Variants in CELF2 observed in about 807,000 individuals in gnomAD.
The protein encoded by CELF2 is CUGBP Elav-like family member 2, also known as CUG triplet repeat RNA-binding protein 2.
Under a neutral mutation model 62.6 loss-of-function variants are expected in CELF2, and 8 were observed. That is an observed-to-expected ratio of 0.13 (90% CI 0.07 to 0.23). The LOEUF (loss-of-function observed/expected upper bound fraction) is 0.23. CELF2 is among the 10% of genes least tolerant of loss of function. The pLI, the probability that CELF2 is intolerant of heterozygous loss-of-function variation, is 1.00. For synonymous variants in CELF2, 258 were observed against 250.0 expected, an observed-to-expected ratio of 1.03 and a Z score of -0.30; for missense variants, 333 against 671.0, an observed-to-expected ratio of 0.50 and a Z score of 5.56.
At chr10:10,767,379 C>A in the CELF2 span, among the ~76,000 whole-genome samples, 1 of 152,124 alleles carries the variant, frequency 6.6e-6, no homozygotes, top group Non-Finnish European at 1.5e-5. Flanking sequence ...TAGGTGCCTC[C>A]AGAATGACAT....
chr10:10,710,717 C>T, the CELF2 span, among the ~76,000 whole-genome samples: 2 of 151,980 alleles, frequency 1.3e-5, no homozygotes, highest in African/African-American at 4.8e-5. Context: ...ATATCAGTGA[C>T]ACATAAAAAC....
the CELF2 span, among the ~76,000 whole-genome samples, chr10:10,646,398 G>A: frequency 0.24 from 36,565 of 152,098 alleles, 4,662 homozygotes; most frequent in South Asian, 0.46. Flanking sequence ...CAAATCTCTC[G>A]TTAAACATTG....
the CELF2 span, among the ~76,000 whole-genome samples, chr10:10,595,955 G>T: frequency 6.6e-6 from 1 of 152,134 alleles, no homozygotes; most frequent in Non-Finnish European, 1.5e-5. Flanking sequence ...GTTATGCTCT[G>T]CCTATGGGGT....
At chr10:11,258,973 C>T (rs1016208850) in intron 5 of CELF2, among the ~76,000 whole-genome samples, 47 of 152,354 alleles carry the variant, frequency 3.1e-4, no homozygotes, top group African/African-American at 1.1e-3. Flanking sequence ...CGTGAGCCAC[C>T]GCACCCAGCC....
intron 1 of CELF2, among the ~76,000 whole-genome samples, chr10:11,155,528 C>T (rs1054163370): frequency 6.6e-6 from 1 of 152,200 alleles, no homozygotes; most frequent in Non-Finnish European, 1.5e-5. Context: ...AGGGCATGAG[C>T]ATCCGGATGG....
At chr10:10,543,375 C>G in the CELF2 span, among the ~76,000 whole-genome samples, 1 of 152,192 alleles carries the variant, frequency 6.6e-6, no homozygotes, top group Non-Finnish European at 1.5e-5. Flanking sequence ...ACCTGGTCAA[C>G]CTGCTTGATC....
chr10:10,629,027 T>C, the CELF2 span, among the ~76,000 whole-genome samples: 1 of 152,112 alleles, frequency 6.6e-6, no homozygotes, highest in African/African-American at 2.4e-5. Flanking sequence ...TAGACTGTGA[T>C]AGAAAGACAG....
intron 2 of CELF2, among the ~76,000 whole-genome samples, chr10:10,968,859 G>A (rs1438271124): frequency 6.6e-6 from 1 of 152,168 alleles, no homozygotes; most frequent in East Asian, 1.9e-4. Flanking sequence ...TATTCATGAT[G>A]TTTAAGGAGA....
intron 2 of CELF2, among the ~76,000 whole-genome samples, chr10:10,976,167 C>CGGG (rs1302323611): frequency 4.6e-5 from 7 of 152,220 alleles, no homozygotes; most frequent in Non-Finnish European, 1.0e-4. Flanking sequence ...GGTGTCTTAA[C>CGGG]TTCATCCCGT....
the CELF2 span, among the ~76,000 whole-genome samples, chr10:10,654,896 G>C: frequency 6.7e-6 from 1 of 149,370 alleles, no homozygotes; most frequent in South Asian, 2.2e-4. Flanking sequence ...AGGAAATAAA[G>C]GGTATTCAAT....
the CELF2 span, among the ~76,000 whole-genome samples, chr10:10,773,942 T>A: frequency 1.3e-5 from 2 of 152,230 alleles, no homozygotes; most frequent in African/African-American, 4.8e-5. Flanking sequence ...GACAGGTTCA[T>A]CATTATCCTC....
chr10:11,197,499 C>T (rs74756975), intron 2 of CELF2, among the ~76,000 whole-genome samples: 2,524 of 152,296 alleles, frequency 0.017, 30 homozygotes, highest in Middle Eastern at 0.037. Flanking sequence ...CTGTACTCTC[C>T]AGAATACAGT....
intron 2 of CELF2, among the ~76,000 whole-genome samples, chr10:11,194,890 ATGCGTCTTTGT>A (rs1445941903): frequency 1.3e-5 from 2 of 152,198 alleles, no homozygotes; most frequent in Non-Finnish European, 2.9e-5. Flanking sequence ...AAAAATCCCG[ATGCGTCTTTGT>A]TGGACAAGCC....
At chr10:10,849,443 A>G (rs1235153462) in intron 1 of CELF2, among the ~76,000 whole-genome samples, 1 of 151,764 alleles carries the variant, frequency 6.6e-6, no homozygotes, top group Non-Finnish European at 1.5e-5. Context: ...TAAGAACAAT[A>G]CAAAGAATAC....
the CELF2 span, among the ~76,000 whole-genome samples, chr10:10,651,772 A>AGC: frequency 1.3e-4 from 20 of 152,018 alleles, no homozygotes; most frequent in Non-Finnish European, 2.6e-4. Flanking sequence ...AGATGGGGAA[A>AGC]AAAAAAGCAC....
At chr10:10,919,572 A>G (rs777068532) in intron 1 of CELF2, among the ~76,000 whole-genome samples, 1 of 152,214 alleles carries the variant, frequency 6.6e-6, no homozygotes, top group Non-Finnish European at 1.5e-5. Context: ...AAAGGAATAC[A>G]TTTCTCAGAG....
intron 4 of CELF2, among the ~76,000 whole-genome samples, chr10:11,251,635 T>C (rs2077174172): frequency 6.6e-6 from 1 of 152,110 alleles, no homozygotes; most frequent in South Asian, 2.1e-4. Context: ...TTGTTGGTTT[T>C]GTCCTTGGGC....
At chr10:10,758,744 C>T in the CELF2 span, among the ~76,000 whole-genome samples, 1 of 152,212 alleles carries the variant, frequency 6.6e-6, no homozygotes, top group African/African-American at 2.4e-5. Context: ...TTATAAGTAG[C>T]ATCCAGTGTG....
intron 1 of CELF2, among the ~76,000 whole-genome samples, chr10:11,093,392 TTAAAC>T (rs1269048171): frequency 6.6e-6 from 1 of 152,210 alleles, no homozygotes; most frequent in East Asian, 1.9e-4. Flanking sequence ...ATTGTGAAAT[TTAAAC>T]TAATAAAAAT....
Sources: allele counts gnomAD v4.1 joint callset (sites outside exome capture counted in the v4.1 genomes callset), GRCh38; gene constraint gnomAD v4.1.1; transcripts MANE v1.5; gene names NCBI Gene and HGNC (gene_info 2026-07-23, HGNC 2026-07-21).